Variants in ARHGEF10L observed in about 807,000 individuals in gnomAD.
ARHGEF10L encodes Rho guanine nucleotide exchange factor 10 like.
In ARHGEF10L, 69 loss-of-function variants were observed where a neutral mutation model predicts 141.2. The observed-to-expected ratio is 0.49, with a 90% CI of 0.40 to 0.60. ARHGEF10L has a LOEUF of 0.60. ARHGEF10L is among the 20% of genes least tolerant of loss of function. ARHGEF10L has a pLI of 0.00. For missense variants in ARHGEF10L, 1,482 were observed against 1,734.3 expected, an observed-to-expected ratio of 0.85 and a Z score of 2.58; for synonymous variants, 711 against 718.5, an observed-to-expected ratio of 0.99 and a Z score of 0.17.
intron 1 of ARHGEF10L, among the ~76,000 whole-genome samples, chr1:17,556,221 G>T (rs1333348794): frequency 7.8e-6 from 1 of 128,244 alleles, no homozygotes; most frequent in African/African-American, 3.0e-5. Flanking sequence ...GGGAGGCTGG[G>T]AGCACGGAGG....
At position 17,637,902 on chromosome 1, in the gene ARHGEF10L, G is replaced by A. The variant is rs991517738; in HGVS notation, c.1942G>A (p.Gly648Ser). The change falls in exon 19 of 29, where the codon GGC becomes AGC. Residue 648 changes from glycine to serine, a missense_variant. Transcript: ENST00000361221. Reference protein sequence around the residue: ...SGQAQNKVYLGPPRLFQELQD... With the variant: ...SGQAQNKVYLSPPRLFQELQD... ...TCTCTGCCCAGATAAGGTGTACCTC[G>A]GCCCCCCACGCCTCTTCCAGGAGCT... 6.9e-6 allele frequency: 11 copies of A among 1,590,738 alleles called. No individual in the cohort carries two copies. The highest frequency in any genetic ancestry group is 4.6e-5 in the East Asian group (2 of 43,872).
chr1:17,638,236 G>A (rs1199463899), intron 19 of ARHGEF10L, among the ~76,000 whole-genome samples: 2 of 152,346 alleles, frequency 1.3e-5, no homozygotes, highest in East Asian at 3.9e-4. Flanking sequence ...GTGGAGCCTG[G>A]CTGTGGGGCC....
At chr1:17,661,819 G>T (rs146911793) in intron 25 of ARHGEF10L, among the ~76,000 whole-genome samples, 1 of 152,334 alleles carries the variant, frequency 6.6e-6, no homozygotes, top group African/African-American at 2.4e-5. Context: ...AGCATCCCTG[G>T]CGGAGCCCTG....
At chr1:17,515,304 T>G in the ARHGEF10L span, among the ~76,000 whole-genome samples, 1 of 151,370 alleles carries the variant, frequency 6.6e-6, no homozygotes, top group Non-Finnish European at 1.5e-5. Context: ...TTTTTTTTTT[T>G]TTTGTTTGAG....
chr1:17,580,473 T>A (rs2078444616), intron 1 of ARHGEF10L, 80 bp from the exon 2 acceptor site: 1 of 1,276,626 alleles, frequency 7.8e-7, no homozygotes, highest in African/African-American at 1.5e-5. Flanking sequence ...AAGCACAGGT[T>A]GTGAGCCAGT....
rs756676557 is a variant in ARHGEF10L, at chr1:17,687,694, T to C, written c.3131T>C (p.Leu1044Pro). ...TSIRLFHTET[L>P]EHLQEINIAT... ...ATCCGCCTCTTCCACACTGAGACCC[T>C]GGAGCATCTGCAAGAGATCAACATC... Residue 1044 changes from leucine (L) to proline (P), a missense_variant, in exon 27 of 29, where the codon CTG (leucine) becomes CCG (proline). Leu to Pro is a moderately conservative substitution (Grantham distance 98). This residue lies in a region of ARHGEF10L where 858 missense variants were observed against 966.3 expected (regional missense o/e 0.89). Transcript: ENST00000361221. 2 of 1,608,892 alleles carry C rather than the reference T, an allele frequency of 1.2e-6. No individual in the cohort carries two copies. The highest frequency in any genetic ancestry group is 4.5e-5 in the East Asian group (2 of 44,732).
chr1:17,595,455 G>A (rs1046770796), intron 4 of ARHGEF10L, among the ~76,000 whole-genome samples: 2 of 152,066 alleles, frequency 1.3e-5, no homozygotes, highest in African/African-American at 2.4e-5. Context: ...TGTGTGGGGG[G>A]CCACCTGTAC....
chr1:17,666,684 C>G (rs1446545655), intron 26 of ARHGEF10L, among the ~76,000 whole-genome samples: 1 of 151,978 alleles, frequency 6.6e-6, no homozygotes, highest in Non-Finnish European at 1.5e-5. Context: ...CTGCAGACTC[C>G]CTTCCCAGCC....
chr1:17,583,872 G>A (rs2078797674), intron 2 of ARHGEF10L, among the ~76,000 whole-genome samples: 1 of 151,942 alleles, frequency 6.6e-6, no homozygotes, highest in Non-Finnish European at 1.5e-5. Context: ...TTTTTTTTGA[G>A]ACAGGATTTT....
chr1:17,690,162 G>A (rs13375585), intron 27 of ARHGEF10L, among the ~76,000 whole-genome samples: 22,615 of 152,122 alleles, frequency 0.15, 1,789 homozygotes, highest in Non-Finnish European at 0.16. Context: ...AGCCTTGGGC[G>A]GTTGTGTCCC....
the ARHGEF10L span, among the ~76,000 whole-genome samples, chr1:17,520,327 C>T: frequency 6.6e-6 from 1 of 152,344 alleles, no homozygotes. Flanking sequence ...CCCGGGGAGC[C>T]AGCGTACTCA....
chr1:17,656,469 G>A lies in ARHGEF10L; in HGVS notation c.2706-85G>A, dbSNP rs2062262235. 3 of 1,499,914 alleles carry A rather than the reference G, an allele frequency of 2.0e-6. No homozygotes were observed. The highest frequency in any genetic ancestry group is 1.8e-6 in the Non-Finnish European group (2 of 1,105,164). 92.9% of individuals were successfully genotyped at this position (1,499,914 alleles called of 1,614,324 possible). ...GGCTGAGAGGGGTCAGCTCCCTGGGGCCCTCTCCCTAGGAGGGCATGGGGG... is the reference window on the plus strand; with the variant it reads ...GGCTGAGAGGGGTCAGCTCCCTGGGACCCTCTCCCTAGGAGGGCATGGGGG... On this transcript the variant is annotated intron_variant, in intron 24 of 28. Transcript: ENST00000361221. The surrounding 1 kb of genome is among the most constrained non-coding windows in gnomAD (Gnocchi z 4.9).
intron 1 of ARHGEF10L, among the ~76,000 whole-genome samples, chr1:17,572,370 G>A (rs528539855): frequency 1.7e-4 from 26 of 152,326 alleles, no homozygotes; most frequent in Non-Finnish European, 3.1e-4. Context: ...ACCTGTGACC[G>A]ATGGAGAGCG....
chr1:17,648,293 G>A (rs2061711014), intron 21 of ARHGEF10L, among the ~76,000 whole-genome samples: 2 of 152,332 alleles, frequency 1.3e-5, no homozygotes, highest in Middle Eastern at 3.4e-3. Flanking sequence ...CAGAGAGTTG[G>A]GGTGACTGGC....
At chr1:17,696,667 G>A (rs1412242544) in intron 28 of ARHGEF10L, among the ~76,000 whole-genome samples, 181 bp from the exon 29 acceptor site, 1 of 152,202 alleles carries the variant, frequency 6.6e-6, no homozygotes, top group Admixed American at 6.5e-5. Context: ...CCACTCCCCT[G>A]AGGAAGTTGT....
chr1:17,588,471 C>T lies in ARHGEF10L; in HGVS notation c.249C>T (p.Pro83=), dbSNP rs753803365. Residue 83 remains proline (P), a synonymous_variant, in exon 4 of 29, where the codon CCC becomes CCT. Coordinates refer to ENST00000361221, the MANE Select transcript of ARHGEF10L (RefSeq NM_018125.4). The stretch of plus-strand genomic sequence containing the variant: ...ACCCAGACCCAGCAGCTGCTCCACC[C>T]GGCACAGGGTAAGTGAACCTTGCTC... The part of the protein sequence containing the change: ...VTDPDPAAAP[P]GTGVPAWVSN... 4.2e-5 allele frequency: 68 copies of T among 1,613,864 alleles called. No homozygotes were observed. Among genetic ancestry groups the T allele is most frequent in the East Asian group, 3.1e-4 (14 of 44,874 alleles).
chr1:17,527,870 CTTTTT>C, the ARHGEF10L span, among the ~76,000 whole-genome samples: 4 of 21,028 alleles, frequency 1.9e-4, no homozygotes, highest in South Asian at 4.5e-3. Flanking sequence ...TCTTTCTTTT[CTTTTT>C]TTTTTTTTTT....
rs566912643 is a variant in ARHGEF10L at position 17,672,196 on chromosome 1, C to G, written c.3009+7601C>G. Among the ~76,000 whole-genome samples the G allele has an allele frequency of 1.6e-4, 23 of 144,498 alleles. No individual in the cohort carries two copies. In the East Asian group the frequency reaches 3.9e-3, roughly 24 times the overall value. The allele number at this position is 144,498 out of a possible 152,430, so 94.8% of individuals were successfully genotyped here. ...CCCTTGATTTCCCCTGCCCACCCCC[C>G]GCCCCAGCCGCCTTCCCCACCCTTA... On this transcript the variant is annotated intron_variant, in intron 26 of 28. Transcript: ENST00000361221.
At chr1:17,524,711 G>C in the ARHGEF10L span, among the ~76,000 whole-genome samples, 8 of 152,210 alleles carry the variant, frequency 5.3e-5, no homozygotes, top group Non-Finnish European at 1.0e-4. Flanking sequence ...GGGGAACCAA[G>C]GATTTGAACT....
Sources: gnomAD v4.1 joint callset for allele counts (sites outside exome capture counted in the v4.1 genomes callset) on GRCh38, gnomAD v4.1.1 for gene constraint, gnomAD v4.1.1 regional missense constraint, Gnocchi (gnomAD v3.1) non-coding constraint, MANE v1.5 for transcripts, NCBI Gene and HGNC (gene_info 2026-07-23, HGNC 2026-07-21) for gene names.